Variants in TIAM1 observed in about 807,000 individuals in gnomAD.
TIAM1 encodes TIAM Rac1 associated GEF 1.
Under a neutral mutation model 163.5 loss-of-function variants are expected in TIAM1, and 65 were observed. The ratio of observed to expected loss-of-function variants is 0.40; its 90% confidence interval spans 0.33 to 0.49. The LOEUF (loss-of-function observed/expected upper bound fraction) is 0.49. Ranked by LOEUF, TIAM1 falls within the 20% of genes least tolerant of loss-of-function variation. The probability of loss-of-function intolerance (pLI) is 0.77; values close to 1 mark genes in which losing one functional copy is unlikely to be tolerated. For missense variants in TIAM1, 1,789 were observed against 2,044.7 expected (o/e 0.87, Z 2.41); for synonymous variants, 833 against 810.1 (o/e 1.03, Z -0.48).
intron 1 of TIAM1, among the ~76,000 whole-genome samples, chr21:31,489,542 G>C (rs1305383403): frequency 2.5e-5 from 3 of 121,072 alleles, no homozygotes; most frequent in South Asian, 5.6e-4. Context: ...GAGGGAGGGA[G>C]GGAAAATTGT....
In TIAM1 at chr21:31,386,808, T is replaced by C. The variant is rs570255980; in HGVS notation, c.-368-47386A>G. 3.3e-5 allele frequency among the ~76,000 whole-genome samples: 5 copies of C among 152,326 alleles called. No homozygotes were observed. In the South Asian group the frequency reaches 1.0e-3, roughly 32 times the overall value. ...AGGTTTTGCTTCAAGAGGGAATCCA[T>C]AAATGGCTTTTGCTATTGTTAAAAG... On this transcript the variant is annotated intron_variant, in intron 2 of 28. Transcript: ENST00000286827.
At chr21:31,419,823 G>A (rs191115546) in intron 2 of TIAM1, among the ~76,000 whole-genome samples, 143 of 152,256 alleles carry the variant, frequency 9.4e-4, no homozygotes, top group African/African-American at 3.3e-3. Flanking sequence ...GGTCAAGGCG[G>A]GTGGATCACC....
chr21:31,436,682 G>A (rs143914476), intron 2 of TIAM1, among the ~76,000 whole-genome samples: 61 of 151,990 alleles, frequency 4.0e-4, no homozygotes, highest in African/African-American at 6.0e-4. Flanking sequence ...TATAGGCCAG[G>A]AGCAGTGGCT....
intron 2 of TIAM1, among the ~76,000 whole-genome samples, chr21:31,457,241 C>T (rs2045139373): frequency 6.6e-6 from 1 of 152,132 alleles, no homozygotes; most frequent in African/African-American, 2.4e-5. Flanking sequence ...TCACAGAAAA[C>T]AAAAGTGCAA....
intron 1 of TIAM1, among the ~76,000 whole-genome samples, chr21:31,467,193 G>A (rs879597557): frequency 1.3e-5 from 2 of 152,220 alleles, no homozygotes; most frequent in South Asian, 2.1e-4. Context: ...TTAAGTGGGC[G>A]TGGTGGCACA....
rs1248293383 is a variant in TIAM1 at position 31,395,013 on chromosome 21, G to A, written c.-368-55591C>T. On this transcript the variant is annotated intron_variant, in intron 2 of 28. Transcript: ENST00000286827. This position sits in a 1 kb window ranked among gnomAD's most constrained non-coding sequence, Gnocchi z 7.5. The stretch of plus-strand genomic sequence containing the variant: ...AGCACTTTGGGAGGCCAAGGTGGGT[G>A]GATCACTTGAGGTCAGAAGTTCAAG... Among the ~76,000 whole-genome samples, 2 of 152,124 alleles carry A rather than the reference G, an allele frequency of 1.3e-5. No homozygotes were observed. Among genetic ancestry groups the A allele is most frequent in the Non-Finnish European group, 2.9e-5 (2 of 68,018 alleles).
chr21:31,324,163 T>C (rs900146931), intron 2 of TIAM1, among the ~76,000 whole-genome samples: 2 of 152,004 alleles, frequency 1.3e-5, no homozygotes, highest in Admixed American at 6.6e-5. Context: ...AACAGAACAA[T>C]GACTGCGTGC....
At chr21:31,550,545 T>C (rs2048648958) in intron 1 of TIAM1, among the ~76,000 whole-genome samples, 1 of 152,070 alleles carries the variant, frequency 6.6e-6, no homozygotes, top group Non-Finnish European at 1.5e-5. Context: ...GATGAAAGTG[T>C]CCTAAAATCG....
At chr21:31,404,100 G>C (rs190110610) in intron 2 of TIAM1, among the ~76,000 whole-genome samples, 1 of 152,256 alleles carries the variant, frequency 6.6e-6, no homozygotes, top group Non-Finnish European at 1.5e-5. Context: ...CCTTTTATCT[G>C]ATTAATCGAA....
chr21:31,404,379 G>C (rs890107452), intron 2 of TIAM1, among the ~76,000 whole-genome samples: 6 of 152,126 alleles, frequency 3.9e-5, no homozygotes, highest in African/African-American at 1.4e-4. Flanking sequence ...AGCAAACAGA[G>C]CTATGCTAAA....
At chr21:31,454,085 C>A (rs970082558) in intron 2 of TIAM1, among the ~76,000 whole-genome samples, 5 of 152,214 alleles carry the variant, frequency 3.3e-5, no homozygotes, top group Non-Finnish European at 7.3e-5. Flanking sequence ...AGCTGCTGTA[C>A]TTTTATCCAG....
intron 9 of TIAM1, among the ~76,000 whole-genome samples, chr21:31,214,483 G>C (rs1450252844): frequency 6.6e-6 from 1 of 152,048 alleles, no homozygotes; most frequent in Admixed American, 6.6e-5. Context: ...GTAAAAATCT[G>C]CTTGCTTTGT....
chr21:31,278,467 C>T (rs941803099), intron 2 of TIAM1, among the ~76,000 whole-genome samples: 2 of 152,210 alleles, frequency 1.3e-5, no homozygotes, highest in Admixed American at 1.3e-4. Context: ...TGGGTGGCTT[C>T]ATTTTGGTAC....
At chr21:31,125,620 G>A (rs1290446317) in intron 26 of TIAM1, among the ~76,000 whole-genome samples, 6 of 152,150 alleles carry the variant, frequency 3.9e-5, no homozygotes, top group Admixed American at 3.9e-4. Context: ...TGTCGCCCAG[G>A]CTGGAGTGCA....
At chr21:31,136,570 T>C (rs887919218) in intron 22 of TIAM1, among the ~76,000 whole-genome samples, 3 of 152,194 alleles carry the variant, frequency 2.0e-5, no homozygotes, top group Non-Finnish European at 2.9e-5. Context: ...ACACATGGAA[T>C]ACAGGGGAGA....
intron 7 of TIAM1, 34 bp from the exon 8 acceptor site, chr21:31,223,625 G>A: frequency 6.4e-7 from 1 of 1,560,972 alleles, no homozygotes; most frequent in South Asian, 1.2e-5. Flanking sequence ...AAGAAAAAGT[G>A]AGAAAATGGG....
At chr21:31,421,719 A>G (rs1378000650) in intron 2 of TIAM1, among the ~76,000 whole-genome samples, 3 of 152,180 alleles carry the variant, frequency 2.0e-5, no homozygotes, top group Admixed American at 6.5e-5. Flanking sequence ...AGCCGGCTGC[A>G]GTGGCCACGC....
At chr21:31,247,198 C>T (rs1601693475) in intron 5 of TIAM1, among the ~76,000 whole-genome samples, 1 of 151,782 alleles carries the variant, frequency 6.6e-6, no homozygotes, top group Admixed American at 6.6e-5. Context: ...GCGGTTCCAG[C>T]GACTCAGGTG....
intron 2 of TIAM1, among the ~76,000 whole-genome samples, chr21:31,287,407 C>CA (rs1179606919): frequency 6.6e-6 from 1 of 152,156 alleles, no homozygotes; most frequent in South Asian, 2.1e-4. Context: ...CTTTATGATG[C>CA]ATATAATCTG....
Sources: gnomAD v4.1 joint callset for allele counts (sites outside exome capture counted in the v4.1 genomes callset) on GRCh38, gnomAD v4.1.1 for gene constraint, Gnocchi (gnomAD v3.1) non-coding constraint, MANE v1.5 for transcripts, NCBI Gene and HGNC (gene_info 2026-07-23, HGNC 2026-07-21) for gene names.